Variants in CPED1 observed in about 807,000 individuals in gnomAD.
The protein encoded by CPED1 is cadherin like and PC-esterase domain containing 1.
A neutral mutation model predicts 128.2 loss-of-function variants in CPED1; 114 were observed. That is an observed-to-expected ratio of 0.89 (90% CI 0.76 to 1.04). The LOEUF (loss-of-function observed/expected upper bound fraction) is 1.04, where lower values mean the gene tolerates loss of function less well. CPED1 is among the 50% of genes least tolerant of loss of function. The pLI is 0.00. For missense variants in CPED1, 1,211 were observed against 1,207.1 expected, an observed-to-expected ratio of 1.00 and a Z score of -0.05; for synonymous variants, 462 against 426.7, an observed-to-expected ratio of 1.08 and a Z score of -1.02.
At chr7:121,080,123 T>C in intron 5 of CPED1, among the ~76,000 whole-genome samples, 1 of 152,202 alleles carries the variant, frequency 6.6e-6, no homozygotes, top group East Asian at 1.9e-4. Context: ...TTGGATTTCT[T>C]TGCATTACAT....
chr7:120,996,513 T>C (rs542606746), intron 2 of CPED1, among the ~76,000 whole-genome samples: 1 of 152,170 alleles, frequency 6.6e-6, no homozygotes, highest in East Asian at 1.9e-4. Context: ...CCTTGGCATC[T>C]GGCCCAGATC....
intron 16 of CPED1, among the ~76,000 whole-genome samples, chr7:121,185,911 A>G (rs1028990949): frequency 6.6e-6 from 1 of 152,208 alleles, no homozygotes; most frequent in African/African-American, 2.4e-5. Context: ...TTCAGTGGTC[A>G]GGTTGTAATC....
rs1792843446 is a variant in CPED1, at chr7:121,297,422, TAATA to T, written c.*1774_*1777del. 1.3e-5 allele frequency: 2 copies of T among 152,156 alleles called. No individual in the cohort carries two copies. The highest frequency in any genetic ancestry group is 4.1e-4 in the South Asian group (2 of 4,832). 9.4% of individuals were successfully genotyped at this position (152,156 alleles called of 1,614,324 possible). A position where few individuals can be genotyped will look rare whatever the true frequency, so the allele number is the denominator to read the frequency against. ...TTAGAAACAATTGTAATAATATCAT[TAATA>T]AATGTCTTACTAGTAATAGTCTGTG... On this transcript the variant is annotated 3_prime_UTR_variant, in exon 23 of 23. Transcript: ENST00000310396.
chr7:121,048,564 A>G (rs1001296331), intron 4 of CPED1, among the ~76,000 whole-genome samples: 2 of 151,866 alleles, frequency 1.3e-5, no homozygotes, highest in African/African-American at 2.4e-5. Flanking sequence ...TTTTGAGACA[A>G]AGTCTCCCTC....
chr7:120,999,625 A>G (rs1791771546), intron 2 of CPED1, among the ~76,000 whole-genome samples: 1 of 152,180 alleles, frequency 6.6e-6, no homozygotes, highest in African/African-American at 2.4e-5. Context: ...TGGAATTTAA[A>G]TACAGGAGTT....
At chr7:121,135,788 T>G (rs943791296) in intron 13 of CPED1, among the ~76,000 whole-genome samples, 7 of 152,042 alleles carry the variant, frequency 4.6e-5, no homozygotes, top group Admixed American at 1.3e-4. Flanking sequence ...CTGATCAACG[T>G]CAGGCAATAA....
chr7:121,160,213 CATCACTATTACATTAT>C (rs1422203023), intron 16 of CPED1, among the ~76,000 whole-genome samples: 6 of 151,986 alleles, frequency 3.9e-5, no homozygotes, highest in South Asian at 4.1e-4. Flanking sequence ...CATTACATTA[CATCACTATTACATTAT>C]ATCACTATGA....
intron 16 of CPED1, among the ~76,000 whole-genome samples, chr7:121,148,584 GAGA>G (rs1796079809): frequency 6.6e-6 from 1 of 152,250 alleles, no homozygotes; most frequent in Admixed American, 6.5e-5. Context: ...GAGGAAGAAA[GAGA>G]ACAACTAAAG....
chr7:121,225,351 T>A (rs1484874671), intron 16 of CPED1, among the ~76,000 whole-genome samples: 1 of 152,184 alleles, frequency 6.6e-6, no homozygotes, highest in Non-Finnish European at 1.5e-5. Flanking sequence ...CCACTGTTAG[T>A]CTGATGGGCT....
At chr7:121,115,639 G>A (rs1795218706) in intron 7 of CPED1, among the ~76,000 whole-genome samples, 1 of 152,058 alleles carries the variant, frequency 6.6e-6, no homozygotes, top group South Asian at 2.1e-4. Context: ...ATCCTTATTT[G>A]CAAATTTTTG....
Position 121,277,067 on chromosome 7 carries a change from GAGTATAAAAGAGAAGTGTA to G in CPED1, c.2868+5645_2868+5663del, listed in dbSNP as rs1424357655. 9.6e-4 allele frequency among the ~76,000 whole-genome samples: 146 copies of G among 152,212 alleles called. 1 individual carries two copies. The highest frequency in any genetic ancestry group is 3.4e-3 in the African/African-American group (140 of 41,568). ...AAAGTTCCACCCAAACCAGGACAGA[GAGTATAAAAGAGAAGTGTA>G]AGTATAAGAGAGAAGTGGACAAAAG... On this transcript the variant is annotated intron_variant, in intron 22 of 22. Transcript: ENST00000310396.
At chr7:121,202,512 C>T (rs1487544722) in intron 16 of CPED1, among the ~76,000 whole-genome samples, 1 of 152,096 alleles carries the variant, frequency 6.6e-6, no homozygotes, top group Non-Finnish European at 1.5e-5. Context: ...AGGTCATGAT[C>T]ACAACAAGAC....
intron 7 of CPED1, among the ~76,000 whole-genome samples, chr7:121,113,160 A>G (rs983815603): frequency 1.1e-4 from 17 of 152,310 alleles, no homozygotes; most frequent in East Asian, 3.9e-4. Flanking sequence ...AAAACAACTC[A>G]AGGAAAAGCA....
At chr7:121,115,599 A>G (rs1006081694) in intron 7 of CPED1, among the ~76,000 whole-genome samples, 3 of 152,190 alleles carry the variant, frequency 2.0e-5, no homozygotes, top group Admixed American at 6.5e-5. Flanking sequence ...GTATTTAGAG[A>G]TATGAGATAG....
At chr7:121,016,557 G>A (rs778547078) in intron 3 of CPED1, among the ~76,000 whole-genome samples, 6 of 152,142 alleles carry the variant, frequency 3.9e-5, no homozygotes, top group Non-Finnish European at 7.4e-5. Context: ...CCAGATTGCA[G>A]AAAAGGAAAC....
At chr7:121,265,770 T>C (rs549828696) in intron 18 of CPED1, among the ~76,000 whole-genome samples, 1 of 152,174 alleles carries the variant, frequency 6.6e-6, no homozygotes, top group South Asian at 2.1e-4. Context: ...AATTAGATTC[T>C]GGTTCTGTGG....
chr7:121,266,918 A>C (rs1792138651), intron 20 of CPED1, 110 bp downstream of exon 20: 1 of 765,780 alleles, frequency 1.3e-6, no homozygotes, highest in Non-Finnish European at 2.2e-6. Context: ...ATAATTTATC[A>C]TTAAGTACTT....
chr7:121,120,552 T>C (rs1419202182), intron 7 of CPED1, among the ~76,000 whole-genome samples: 1 of 152,190 alleles, frequency 6.6e-6, no homozygotes, highest in Non-Finnish European at 1.5e-5. Context: ...TGGTATACTT[T>C]AGTACGGTAC....
intron 12 of CPED1, among the ~76,000 whole-genome samples, chr7:121,130,694 G>C (rs1184623903): frequency 2.6e-5 from 4 of 151,684 alleles, no homozygotes; most frequent in Non-Finnish European, 5.9e-5. Flanking sequence ...GAAAGTTTTT[G>C]AGGTGTGACT....
Sources: gnomAD v4.1 joint callset for allele counts (sites outside exome capture counted in the v4.1 genomes callset) on GRCh38, gnomAD v4.1.1 for gene constraint, MANE v1.5 for transcripts, NCBI Gene and HGNC (gene_info 2026-07-23, HGNC 2026-07-21) for gene names.